SLC4A4: variants seen among roughly 807,000 people sequenced by gnomAD.
The protein encoded by SLC4A4 is solute carrier family 4 member 4, also known as electrogenic sodium bicarbonate cotransporter 1.
In SLC4A4, 27 loss-of-function variants were observed where a neutral mutation model predicts 111.5. The ratio of observed to expected loss-of-function variants is 0.24; its 90% CI spans 0.18 to 0.33. The LOEUF (loss-of-function observed/expected upper bound fraction) is 0.33. Ranked by LOEUF, SLC4A4 falls within the 10% of genes least tolerant of loss-of-function variation. SLC4A4 has a pLI of 1.00. For missense variants in SLC4A4, 909 were observed against 1,315.5 expected (o/e 0.69, Z 4.78); for synonymous variants, 443 against 463.4 (o/e 0.96, Z 0.57).
chr4:71,085,831 G>T (rs936857849), intron 1 of SLC4A4, among the ~76,000 whole-genome samples: 9 of 152,002 alleles, frequency 5.9e-5, no homozygotes, highest in African/African-American at 9.7e-5. Context: ...TCAAAGTCAG[G>T]TAGCGTGATG....
intron 23 of SLC4A4, among the ~76,000 whole-genome samples, chr4:71,561,709 G>T (rs1369390579): frequency 6.6e-6 from 1 of 151,736 alleles, no homozygotes; most frequent in South Asian, 2.1e-4. Flanking sequence ...TTAAACTACA[G>T]AAGAGACTAA....
rs577284447 is a variant in SLC4A4 at position 71,214,440 on chromosome 4, G to A, written c.-1-22136G>A. ...CCATAAACGCATCATCATGGCAAAG[G>A]CTGATGGGGCAGAGAGACAGGATAT... On this transcript the variant is annotated intron_variant, in intron 1 of 25. Transcript: ENST00000264485. Among the ~76,000 whole-genome samples, 7 of 152,116 alleles carry A rather than the reference G, an allele frequency of 4.6e-5. No individual in the cohort carries two copies. In the South Asian group the frequency reaches 1.5e-3, roughly 32 times the overall value.
At chr4:71,412,266 T>C (rs996835351) in intron 7 of SLC4A4, among the ~76,000 whole-genome samples, 5 of 152,200 alleles carry the variant, frequency 3.3e-5, no homozygotes, top group Non-Finnish European at 5.9e-5. Context: ...AAGGTGTCCA[T>C]TATTCAGAAA....
intron 2 of SLC4A4, among the ~76,000 whole-genome samples, chr4:71,150,488 C>A (rs1744286478): frequency 6.6e-6 from 1 of 152,028 alleles, no homozygotes; most frequent in Non-Finnish European, 1.5e-5. Flanking sequence ...AATACAGAGC[C>A]TTTTTTAGTC....
chr4:71,374,224 C>G (rs1732137521), intron 6 of SLC4A4, among the ~76,000 whole-genome samples: 2 of 152,126 alleles, frequency 1.3e-5, no homozygotes, highest in African/African-American at 4.8e-5. Flanking sequence ...CTTTCCATCC[C>G]TCTGTTTTTT....
intron 12 of SLC4A4, among the ~76,000 whole-genome samples, chr4:71,454,960 A>G (rs1726091058): frequency 1.3e-5 from 2 of 152,114 alleles, no homozygotes; most frequent in African/African-American, 4.8e-5. Context: ...GATGTCCAGA[A>G]TATTTGGGGT....
At chr4:71,566,277 A>G (rs1313322928) in intron 24 of SLC4A4, among the ~76,000 whole-genome samples, 2 of 141,336 alleles carry the variant, frequency 1.4e-5, no homozygotes, top group Non-Finnish European at 3.1e-5. Flanking sequence ...ATTTTTCTCC[A>G]TGGAGCATTA....
chr4:71,155,788 T>C (rs571679905), intron 2 of SLC4A4, among the ~76,000 whole-genome samples: 25 of 152,064 alleles, frequency 1.6e-4, no homozygotes, highest in Non-Finnish European at 3.2e-4. Flanking sequence ...TATTTCTGTT[T>C]TATTGTTGTT....
chr4:71,122,339 G>T (rs957189722), intron 2 of SLC4A4, among the ~76,000 whole-genome samples: 2 of 147,108 alleles, frequency 1.4e-5, no homozygotes, highest in Non-Finnish European at 3.0e-5. Context: ...AAAAAAAATT[G>T]ATCTGACAAT....
At chr4:71,519,254 C>T (rs1022077307) in intron 16 of SLC4A4, among the ~76,000 whole-genome samples, 3 of 152,142 alleles carry the variant, frequency 2.0e-5, no homozygotes, top group African/African-American at 7.2e-5. Context: ...TTCTATGTAT[C>T]CAAAACCTTT....
chr4:71,156,588 G>GCGCGCACACACACA (rs376043069), intron 2 of SLC4A4, among the ~76,000 whole-genome samples: 170 of 138,528 alleles, frequency 1.2e-3, no homozygotes, highest in East Asian at 9.8e-3. Flanking sequence ...GCGCGCGCGC[G>GCGCGCACACACACA]CACACACACA....
At chr4:71,298,756 T>C (rs1724998678) in intron 3 of SLC4A4, among the ~76,000 whole-genome samples, 1 of 152,172 alleles carries the variant, frequency 6.6e-6, no homozygotes, top group Admixed American at 6.5e-5. Flanking sequence ...CAGATATGGG[T>C]AGGATCTGTG....
At chr4:71,298,206 G>T (rs1280602372) in intron 3 of SLC4A4, among the ~76,000 whole-genome samples, 1 of 152,158 alleles carries the variant, frequency 6.6e-6, no homozygotes, top group Non-Finnish European at 1.5e-5. Flanking sequence ...AATGCCCCAT[G>T]AGCTGTCTTA....
chr4:71,513,904 CT>C (rs1361780426), intron 16 of SLC4A4, among the ~76,000 whole-genome samples: 1 of 151,938 alleles, frequency 6.6e-6, no homozygotes, highest in East Asian at 1.9e-4. Context: ...GATTTTTGTT[CT>C]TTATACTGTT....
intron 5 of SLC4A4, among the ~76,000 whole-genome samples, chr4:71,350,518 C>T (rs1729730216): frequency 6.6e-6 from 1 of 152,128 alleles, no homozygotes. Flanking sequence ...GCTGGGATTA[C>T]AGGTACCTGC....
chr4:71,382,438 A>G (rs1718242353), intron 6 of SLC4A4, among the ~76,000 whole-genome samples: 1 of 152,192 alleles, frequency 6.6e-6, no homozygotes, highest in African/African-American at 2.4e-5. Context: ...TAGAAGCTAT[A>G]CATATTTAAG....
chr4:71,568,787 A>G lies in SLC4A4; in HGVS notation c.*1036A>G, dbSNP rs2149263109. On this transcript the variant is annotated 3_prime_UTR_variant, in exon 26 of 26. Transcript: ENST00000264485. ...ACATACATACACACACAAATACACA[A>G]TCTCTAGGGTAAGCCAGAAGGCAAG... 6.6e-6 allele frequency: 1 copy of G among 152,198 alleles called. No individual in the cohort carries two copies. Among genetic ancestry groups the G allele is most frequent in the South Asian group, 2.1e-4 (1 of 4,826 alleles). The allele number at this position is 152,198 out of a possible 1,614,324, so 9.4% of individuals were successfully genotyped here. A position where few individuals can be genotyped will look rare whatever the true frequency, so the allele number is the denominator to read the frequency against.
At chr4:71,072,739 T>C (rs1475173696) in intron 1 of SLC4A4, among the ~76,000 whole-genome samples, 2 of 152,048 alleles carry the variant, frequency 1.3e-5, no homozygotes, top group Non-Finnish European at 1.5e-5. Context: ...TTTTTGTTGT[T>C]GCAATTATAA....
At chr4:71,546,642 A>T (rs1735546317) in intron 19 of SLC4A4, 114 bp downstream of exon 19, 1 of 922,914 alleles carries the variant, frequency 1.1e-6, no homozygotes. Flanking sequence ...TGATTAATTT[A>T]TTCCTATATT....
Sources: allele counts gnomAD v4.1 joint callset (sites outside exome capture counted in the v4.1 genomes callset), GRCh38; gene constraint gnomAD v4.1.1; transcripts MANE v1.5; gene names NCBI Gene and HGNC (gene_info 2026-07-23, HGNC 2026-07-21).